YPEL2: variants seen among roughly 807,000 people sequenced by gnomAD.
YPEL2 encodes the protein yippee like 2, also known as protein yippee-like 2.
Under a neutral mutation model 19.1 loss-of-function variants are expected in YPEL2, and 2 were observed. The ratio of observed to expected loss-of-function variants is 0.10; its 90% CI spans 0.04 to 0.33. The LOEUF (loss-of-function observed/expected upper bound fraction) is 0.33, where lower values mean the gene tolerates loss of function less well. Among genes scored for constraint, YPEL2 ranks in the 10% least tolerant of loss-of-function variants. The pLI, the probability that YPEL2 is intolerant of heterozygous loss-of-function variation, is 1.00. For missense variants in YPEL2, 66 were observed against 140.7 expected, an observed-to-expected ratio of 0.47 and a Z score of 2.68; for synonymous variants, 52 against 50.0, an observed-to-expected ratio of 1.04 and a Z score of -0.17.
chr17:59,354,086 A>T (rs910546009), intron 2 of YPEL2: 9 of 163,764 alleles, frequency 5.5e-5, no homozygotes, highest in Non-Finnish European at 1.2e-4. Context: ...GATCATGATC[A>T]GAAGAATGGA....
chr17:59,341,347 G>A (rs562571982), intron 1 of YPEL2, among the ~76,000 whole-genome samples: 11 of 143,896 alleles, frequency 7.6e-5, no homozygotes, highest in East Asian at 6.6e-4. Flanking sequence ...AGCGGAGATC[G>A]CACCACTGCA....
chr17:59,382,284 A>G (rs2047953293), intron 2 of YPEL2, among the ~76,000 whole-genome samples: 1 of 152,218 alleles, frequency 6.6e-6, no homozygotes, highest in African/African-American at 2.4e-5. Flanking sequence ...CTCTCCCCGC[A>G]GACTCTCTCA....
In YPEL2 at chr17:59,399,306, T is replaced by C. The variant is rs1463390289; in HGVS notation, c.*2116T>C. ...TTTCATTGGACTCTTTCCTCAGCGA[T>C]TGTCCTGGCTGTTTATTGATAGTCC... On this transcript the variant is annotated 3_prime_UTR_variant, in exon 5 of 5. Transcript: ENST00000312655. 2.0e-5 allele frequency: 3 copies of C among 152,518 alleles called. No homozygotes were observed. Among genetic ancestry groups the C allele is most frequent in the Admixed American group, 2.0e-4 (3 of 15,274 alleles). 9.4% of individuals were successfully genotyped at this position (152,518 alleles called of 1,614,324 possible).
At chr17:59,383,448 A>AT (rs2047960155) in intron 2 of YPEL2, among the ~76,000 whole-genome samples, 1 of 149,972 alleles carries the variant, frequency 6.7e-6, no homozygotes, top group South Asian at 2.1e-4. Flanking sequence ...AATACAAAAA[A>AT]TTAGCTGGGC....
chr17:59,351,878 T>C (rs773117950), intron 1 of YPEL2, among the ~76,000 whole-genome samples: 16 of 152,304 alleles, frequency 1.1e-4, no homozygotes, highest in South Asian at 4.1e-4. Context: ...TGGCTGATAT[T>C]GTCCTTCAGC....
intron 2 of YPEL2, chr17:59,354,729 C>G (rs111459494): frequency 6.6e-6 from 1 of 152,348 alleles, no homozygotes; most frequent in Non-Finnish European, 1.5e-5. Context: ...GTCCTATCCT[C>G]TGGCCAGACT....
chr17:59,336,852 A>G lies in YPEL2; in HGVS notation c.-196+5028A>G, dbSNP rs577342795. Among the ~76,000 whole-genome samples, 8 of 152,344 alleles carry G rather than the reference A, an allele frequency of 5.3e-5. No homozygotes were observed. The South Asian group carries it at 1.7e-3, about 32-fold the overall frequency. ...ATTTGAACTGGAATGGAATTTAGAAACCATGTATTCGCAAGCTGACTGCTG... is the reference window on the plus strand; with the variant it reads ...ATTTGAACTGGAATGGAATTTAGAAGCCATGTATTCGCAAGCTGACTGCTG... On this transcript the variant is annotated intron_variant, in intron 1 of 4. Transcript: ENST00000312655.
intron 2 of YPEL2, among the ~76,000 whole-genome samples, chr17:59,364,087 T>C (rs959107039): frequency 2.0e-5 from 3 of 152,230 alleles, no homozygotes; most frequent in South Asian, 2.1e-4. Context: ...TGTGTTGTTA[T>C]GGTTGCGTGC....
chr17:59,382,229 C>T (rs1271283393), intron 2 of YPEL2, among the ~76,000 whole-genome samples: 1 of 152,218 alleles, frequency 6.6e-6, no homozygotes, highest in Non-Finnish European at 1.5e-5. Flanking sequence ...GCTATGGCCA[C>T]CAGGACAGCC....
chr17:59,380,141 G>A lies in YPEL2; in HGVS notation c.118-8186G>A, dbSNP rs377081847. On this transcript the variant is annotated intron_variant, in intron 2 of 4. Coordinates refer to ENST00000312655, the MANE Select transcript of YPEL2 (RefSeq NM_001005404.4). ...TCCCAAAGTGCTGGGAAAAGTGCTG[G>A]GATTACAGGCTTCAGCCACCACGCT... 3.3e-4 allele frequency among the ~76,000 whole-genome samples: 50 copies of A among 151,620 alleles called. 1 individual carries two copies. In the East Asian group the frequency reaches 5.1e-3, roughly 15 times the overall value.
At chr17:59,369,668 G>GAGAC (rs2047887178) in intron 2 of YPEL2, among the ~76,000 whole-genome samples, 1 of 152,180 alleles carries the variant, frequency 6.6e-6, no homozygotes, top group Admixed American at 6.5e-5. Flanking sequence ...ACTAATATTT[G>GAGAC]GGAGCCACAG....
intron 1 of YPEL2, among the ~76,000 whole-genome samples, chr17:59,340,092 C>G (rs541294885): frequency 3.3e-5 from 5 of 151,452 alleles, no homozygotes; most frequent in Non-Finnish European, 7.4e-5. Flanking sequence ...GACTGAGAAA[C>G]AACTAATTTT....
intron 2 of YPEL2, among the ~76,000 whole-genome samples, chr17:59,373,285 A>T: frequency 6.6e-6 from 1 of 152,208 alleles, no homozygotes; most frequent in East Asian, 1.9e-4. Context: ...AGTCCTTAGC[A>T]GCAAAACAGA....
chr17:59,346,345 A>G (rs2047756258), intron 1 of YPEL2, among the ~76,000 whole-genome samples: 1 of 152,096 alleles, frequency 6.6e-6, no homozygotes, highest in African/African-American at 2.4e-5. Context: ...TGTTTTTTAA[A>G]CCTAGACCAG....
chr17:59,334,490 A>G (rs11079371), intron 1 of YPEL2, among the ~76,000 whole-genome samples: 37,230 of 151,088 alleles, frequency 0.25, 4,771 homozygotes, highest in East Asian at 0.41. Context: ...GTTACTTCCC[A>G]TTGTGATGGC....
chr17:59,344,660 AG>A (rs2047747383), intron 1 of YPEL2, among the ~76,000 whole-genome samples: 1 of 152,182 alleles, frequency 6.6e-6, no homozygotes. Context: ...CGGGAGGGTG[AG>A]GCAGGAGAAC....
chr17:59,384,370 A>G (rs915444889), intron 2 of YPEL2, among the ~76,000 whole-genome samples: 2 of 152,254 alleles, frequency 1.3e-5, no homozygotes, highest in Admixed American at 1.3e-4. Flanking sequence ...GTACTTTACC[A>G]TAAGTGAACC....
chr17:59,380,060 C>T (rs2147952495), intron 2 of YPEL2, among the ~76,000 whole-genome samples: 1 of 150,728 alleles, frequency 6.6e-6, no homozygotes, highest in East Asian at 2.0e-4. Flanking sequence ...TGGGTTTCGT[C>T]ATGTTGGCCA....
At chr17:59,333,768 T>C (rs2047684472) in intron 1 of YPEL2, among the ~76,000 whole-genome samples, 1 of 152,182 alleles carries the variant, frequency 6.6e-6, no homozygotes, top group South Asian at 2.1e-4. Context: ...GGGTAGTGTT[T>C]AAAAATAGTT....
Sources: gnomAD v4.1 joint callset for allele counts (sites outside exome capture counted in the v4.1 genomes callset) on GRCh38, gnomAD v4.1.1 for gene constraint, MANE v1.5 for transcripts, NCBI Gene and HGNC (gene_info 2026-07-23, HGNC 2026-07-21) for gene names.